Variants in PEBP4 observed in about 807,000 individuals in gnomAD.
PEBP4 encodes the protein phosphatidylethanolamine binding protein 4, also known as phosphatidylethanolamine-binding protein 4.
Under a neutral mutation model 23.9 loss-of-function variants are expected in PEBP4, and 22 were observed. The observed-to-expected ratio is 0.92, with a 90% CI of 0.66 to 1.31. PEBP4 has a LOEUF of 1.31. PEBP4 is among the 40% of genes most tolerant of loss of function. The pLI is 0.00. For missense variants in PEBP4, 324 were observed against 281.7 expected (o/e 1.15, Z -1.07); for synonymous variants, 112 against 99.3 (o/e 1.13, Z -0.76).
chr8:22,871,769 G>T (rs1298013351), intron 3 of PEBP4, among the ~76,000 whole-genome samples: 1 of 151,940 alleles, frequency 6.6e-6, no homozygotes, highest in East Asian at 1.9e-4. Flanking sequence ...GGCCAGGATG[G>T]TGTTGATCTC....
At chr8:22,920,086 G>T (rs1809166907) in intron 3 of PEBP4, 98 bp downstream of exon 3, 9 of 1,479,578 alleles carry the variant, frequency 6.1e-6, no homozygotes, top group Non-Finnish European at 8.3e-6. Flanking sequence ...AACCCAGATG[G>T]CTCTGCACGC....
At chr8:22,934,418 G>A (rs1292289181) in intron 1 of PEBP4, among the ~76,000 whole-genome samples, 2 of 151,998 alleles carry the variant, frequency 1.3e-5, no homozygotes, top group Non-Finnish European at 2.9e-5. Context: ...AATTCCCATG[G>A]TAACCACAAA....
chr8:22,836,007 G>T (rs1057320364), intron 3 of PEBP4, among the ~76,000 whole-genome samples: 4 of 152,210 alleles, frequency 2.6e-5, no homozygotes, highest in Non-Finnish European at 5.9e-5. Flanking sequence ...CATCTAAACA[G>T]ACATTATTAT....
chr8:22,845,867 C>T (rs915375471), intron 3 of PEBP4, among the ~76,000 whole-genome samples: 4 of 152,240 alleles, frequency 2.6e-5, no homozygotes, highest in Admixed American at 6.5e-5. Flanking sequence ...GGACCTGGCA[C>T]GGGCCTGGCC....
At chr8:22,720,970 G>A (rs1451460534) in intron 6 of PEBP4, among the ~76,000 whole-genome samples, 1 of 152,194 alleles carries the variant, frequency 6.6e-6, no homozygotes, top group Non-Finnish European at 1.5e-5. Context: ...GCCAGGCGTG[G>A]TTTGAAAGTG....
chr8:22,758,725 G>A (rs999084666), intron 4 of PEBP4, among the ~76,000 whole-genome samples: 23 of 152,224 alleles, frequency 1.5e-4, no homozygotes, highest in Non-Finnish European at 5.9e-5. Flanking sequence ...CAGCAGATGG[G>A]AGCTGATGTC....
intron 3 of PEBP4, among the ~76,000 whole-genome samples, chr8:22,863,918 A>C (rs1037686343): frequency 4.6e-5 from 7 of 152,114 alleles, no homozygotes; most frequent in Non-Finnish European, 8.8e-5. Flanking sequence ...TCTCCAAGAC[A>C]CTTCTCCATG....
At chr8:22,777,681 C>T (rs750722501) in intron 4 of PEBP4, among the ~76,000 whole-genome samples, 1 of 152,082 alleles carries the variant, frequency 6.6e-6, no homozygotes, top group South Asian at 2.1e-4. Flanking sequence ...GCTGGGGCAC[C>T]GGGAAATGTT....
intron 4 of PEBP4, among the ~76,000 whole-genome samples, chr8:22,812,748 A>C (rs1054365081): frequency 6.6e-6 from 1 of 152,188 alleles, no homozygotes; most frequent in Non-Finnish European, 1.5e-5. Context: ...ATATATAGAA[A>C]ATGAGATTAT....
rs113475643 is a variant in PEBP4, at chr8:22,873,699, A to G, written c.258+46485T>C. On this transcript the variant is annotated intron_variant, in intron 3 of 6. Coordinates refer to ENST00000256404, the MANE Select transcript of PEBP4 (RefSeq NM_144962.3). Reference sequence around the variant, plus strand: ...GCTGTAGATTAAACATACTATACTCAGTGTAACATCATCATGGCCTGCTTG... The same window carrying G: ...GCTGTAGATTAAACATACTATACTCGGTGTAACATCATCATGGCCTGCTTG... 6.6e-3 allele frequency among the ~76,000 whole-genome samples: 1,008 copies of G among 152,324 alleles called. 12 individuals are homozygous for G. The highest frequency in any genetic ancestry group is 0.023 in the African/African-American group (957 of 41,554).
At chr8:22,867,450 T>G (rs1423508435) in intron 3 of PEBP4, among the ~76,000 whole-genome samples, 2 of 151,954 alleles carry the variant, frequency 1.3e-5, no homozygotes, top group African/African-American at 4.8e-5. Flanking sequence ...CTCACAGAGG[T>G]CTCCTTAGCA....
At chr8:22,914,718 T>C (rs1461225748) in intron 3 of PEBP4, among the ~76,000 whole-genome samples, 2 of 152,246 alleles carry the variant, frequency 1.3e-5, no homozygotes, top group African/African-American at 4.8e-5. Context: ...CCTTCTCTTC[T>C]GGAGTCAGAT....
chr8:22,839,747 A>G (rs907904193), intron 3 of PEBP4, among the ~76,000 whole-genome samples: 1 of 152,190 alleles, frequency 6.6e-6, no homozygotes. Flanking sequence ...ACAACCTGAC[A>G]GACCCTCGTG....
At chr8:22,718,090 G>C (rs960329226) in intron 6 of PEBP4, among the ~76,000 whole-genome samples, 1 of 152,130 alleles carries the variant, frequency 6.6e-6, no homozygotes, top group South Asian at 2.1e-4. Context: ...CTGATACTGC[G>C]GGCTCCAGAG....
chr8:22,857,678 A>G (rs1370141461), intron 3 of PEBP4, among the ~76,000 whole-genome samples: 1 of 152,210 alleles, frequency 6.6e-6, no homozygotes, highest in Non-Finnish European at 1.5e-5. Context: ...TGCAGAGTCC[A>G]GGACCAAAGA....
At chr8:22,794,531 C>A (rs370787468) in intron 4 of PEBP4, among the ~76,000 whole-genome samples, 23 of 152,178 alleles carry the variant, frequency 1.5e-4, no homozygotes, top group African/African-American at 5.1e-4. Context: ...GTAATATGCC[C>A]GCCTCAGCCT....
In PEBP4 at chr8:22,927,855, C is replaced by T. The variant is rs1342616135; in HGVS notation, c.-39G>A. On this transcript the variant is annotated 5_prime_UTR_variant, in exon 1 of 7. Coordinates refer to ENST00000256404, the MANE Select transcript of PEBP4 (RefSeq NM_144962.3). Reference sequence around the variant, plus strand: ...TAAGCACAGGGAGAAGGACAGGCAGCTTCCAGGGCTCCGCAGCTAATCCAG... The same window carrying T: ...TAAGCACAGGGAGAAGGACAGGCAGTTTCCAGGGCTCCGCAGCTAATCCAG... The T allele has an allele frequency of 2.9e-5, 30 of 1,021,332 alleles. No homozygotes were observed. Among genetic ancestry groups the T allele is most frequent in the Non-Finnish European group, 3.8e-5 (27 of 709,776 alleles). 63.3% of individuals were successfully genotyped at this position (1,021,332 alleles called of 1,614,324 possible).
At chr8:22,810,001 C>A (rs1016532907) in intron 4 of PEBP4, among the ~76,000 whole-genome samples, 1 of 152,222 alleles carries the variant, frequency 6.6e-6, no homozygotes, top group African/African-American at 2.4e-5. Context: ...GATATATGCT[C>A]AGTTCTTGTG....
At chr8:22,869,592 CAAG>C (rs1319852553) in intron 3 of PEBP4, among the ~76,000 whole-genome samples, 1 of 152,070 alleles carries the variant, frequency 6.6e-6, no homozygotes, top group Non-Finnish European at 1.5e-5. Context: ...GCTGGACACA[CAAG>C]AAGAGGGAAC....
Sources: gnomAD v4.1 joint callset for allele counts (sites outside exome capture counted in the v4.1 genomes callset) on GRCh38, gnomAD v4.1.1 for gene constraint, MANE v1.5 for transcripts, NCBI Gene and HGNC (gene_info 2026-07-23, HGNC 2026-07-21) for gene names.